Variants in RD3 observed in about 807,000 individuals in gnomAD.
RD3 encodes protein RD3.
RD3 carries 11 observed loss-of-function variants against 16.9 expected under a neutral mutation model. The ratio of observed to expected loss-of-function variants is 0.65; its 90% confidence interval spans 0.41 to 1.08. The LOEUF is 1.08. RD3 is among the 50% of genes least tolerant of loss of function. The pLI is 0.00. For missense variants in RD3, 274 were observed against 267.4 expected (o/e 1.02, Z -0.17); for synonymous variants, 116 against 114.8 (o/e 1.01, Z -0.07).
In RD3 at chr1:211,478,953, G is replaced by A; in HGVS notation, c.*83C>T. 1 of 1,360,242 alleles carries A rather than the reference G, an allele frequency of 7.4e-7. No homozygotes were observed. Among genetic ancestry groups the A allele is most frequent in the Non-Finnish European group, 9.8e-7 (1 of 1,020,822 alleles). 84.3% of individuals were successfully genotyped at this position (1,360,242 alleles called of 1,614,324 possible). A position where few individuals can be genotyped will look rare whatever the true frequency, so the allele number is the denominator to read the frequency against. ...TCTCCTCGTCAGGCCTAGGTGGGGA[G>A]GTTCCAGGGCCCGGCGCTCCGGTCA... On this transcript the variant is annotated 3_prime_UTR_variant, in exon 3 of 3. Transcript: ENST00000680073.
At chr1:211,486,287 CT>C (rs1282009686) in intron 1 of RD3, among the ~76,000 whole-genome samples, 1 of 149,092 alleles carries the variant, frequency 6.7e-6, no homozygotes, top group Non-Finnish European at 1.5e-5. Flanking sequence ...GGTGGATCAC[CT>C]GAGGTCACGA....
Position 211,481,372 on chromosome 1 carries a change from CG to C in RD3, c.43del (p.Arg15GlyfsTer16). 1 of 1,613,742 alleles carries C rather than the reference CG, an allele frequency of 6.2e-7. No individual in the cohort carries two copies. ...SWLRWNEAPS[R>X]LSTRSPAEMV... ...CTCAGCAGGGCTCCTGGTGGACAGC[CG>C]GGATGGGGCCTCGTTCCACCGAAGC... On this transcript the variant is annotated frameshift_variant, in exon 2 of 3. Transcript: ENST00000680073. LOFTEE classifies it high-confidence loss of function.
intron 1 of RD3, among the ~76,000 whole-genome samples, chr1:211,483,469 A>AG (rs1199929661): frequency 2.0e-4 from 31 of 152,002 alleles, no homozygotes; most frequent in Non-Finnish European, 3.5e-4. Context: ...AAAAAAAAAA[A>AG]GAAATCTGAG....
At chr1:211,489,811 C>CT (rs1163867794) in intron 1 of RD3, among the ~76,000 whole-genome samples, 1 of 152,112 alleles carries the variant, frequency 6.6e-6, no homozygotes, top group African/African-American at 2.4e-5. Context: ...CTGAGCCTCC[C>CT]TGTTTCAAGA....
intron 1 of RD3, among the ~76,000 whole-genome samples, chr1:211,489,452 T>A (rs1001506295): frequency 1.3e-5 from 2 of 152,086 alleles, no homozygotes; most frequent in African/African-American, 4.8e-5. Flanking sequence ...TCTTGAATTA[T>A]CTGGTATGCT....
Position 211,479,205 on chromosome 1 carries a change from C to A in RD3, c.419G>T (p.Arg140Leu), listed in dbSNP as rs1705212596. 1 of 1,611,458 alleles carries A rather than the reference C, an allele frequency of 6.2e-7. No individual in the cohort carries two copies. The highest frequency in any genetic ancestry group is 1.1e-5 in the South Asian group (1 of 90,536). The change falls in exon 3 of 3, where the codon CGC (arginine) becomes CTC (leucine). Residue 140 changes from arginine (R) to leucine (L), a missense_variant. Arg to Leu is a moderately radical substitution (Grantham distance 102). Transcript: ENST00000680073. ...GCCGCGGGGCCGCAGGCTCCACTGG[C>A]GCGTCAGCTTGTGGGCCTCCTCTTC... Reference protein sequence around the residue: ...KQEEEAHKLTRQWSLRPRGSL... With the variant: ...KQEEEAHKLTLQWSLRPRGSL...
chr1:211,478,883 CG>C lies in RD3; in HGVS notation c.*152del. 1.5e-6 allele frequency: 1 copy of C among 681,448 alleles called. No individual in the cohort carries two copies. Among genetic ancestry groups the C allele is most frequent in the Non-Finnish European group, 2.4e-6 (1 of 414,694 alleles). The allele number at this position is 681,448 out of a possible 1,614,324, so 42.2% of individuals were successfully genotyped here. The stretch of plus-strand genomic sequence containing the variant: ...AGAGGAAGAGGATGGGGCAGGGAGT[CG>C]CTTCATTTTATAGCAGCGTCTTGGG... On this transcript the variant is annotated 3_prime_UTR_variant, in exon 3 of 3. Coordinates refer to ENST00000680073, the MANE Select transcript of RD3 (RefSeq NM_001164688.2).
chr1:211,489,069 C>T (rs993696558), intron 1 of RD3, among the ~76,000 whole-genome samples: 3 of 152,200 alleles, frequency 2.0e-5, no homozygotes, highest in African/African-American at 7.2e-5. Flanking sequence ...ACCTTCATGG[C>T]CCCAAGCCTC....
Position 211,478,954 on chromosome 1 carries a change from G to A in RD3, c.*82C>T. 7.3e-7 allele frequency: 1 copy of A among 1,377,496 alleles called. No homozygotes were observed. Among genetic ancestry groups the A allele is most frequent in the Non-Finnish European group, 9.7e-7 (1 of 1,035,290 alleles). 85.3% of individuals were successfully genotyped at this position (1,377,496 alleles called of 1,614,324 possible). On this transcript the variant is annotated 3_prime_UTR_variant, in exon 3 of 3. Transcript: ENST00000680073. The stretch of plus-strand genomic sequence containing the variant: ...CTCCTCGTCAGGCCTAGGTGGGGAG[G>A]TTCCAGGGCCCGGCGCTCCGGTCAC...
intron 2 of RD3, 79 bp downstream of exon 2, chr1:211,481,041 G>C: frequency 4.8e-6 from 7 of 1,460,140 alleles, no homozygotes; most frequent in Non-Finnish European, 5.7e-6. Flanking sequence ...CTCTAGTCCT[G>C]GTGGCCTCAG....
At position 211,480,285 on chromosome 1, in the gene RD3, C is replaced by T. The variant is rs144934521; in HGVS notation, c.296+835G>A. Among the ~76,000 whole-genome samples the T allele has an allele frequency of 2.6e-5, 4 of 151,766 alleles. No homozygotes were observed. The East Asian group carries it at 5.8e-4, about 22-fold the overall frequency. ...CTCTGCAAAAACCAAGGAGTGTGGACGGGGCTGAAGAAGGTGAAAGGGGCT... is the reference window on the plus strand; with the variant it reads ...CTCTGCAAAAACCAAGGAGTGTGGATGGGGCTGAAGAAGGTGAAAGGGGCT... On this transcript the variant is annotated intron_variant, in intron 2 of 2. Coordinates refer to ENST00000680073, the MANE Select transcript of RD3 (RefSeq NM_001164688.2).
chr1:211,478,908 G>A lies in RD3; in HGVS notation c.*128C>T, dbSNP rs992584531. On this transcript the variant is annotated 3_prime_UTR_variant, in exon 3 of 3. Transcript: ENST00000680073. ...CGCTTCATTTTATAGCAGCGTCTTGGGATGGGGCCGCCTCTTGGGTCTCCT... is the reference window on the plus strand; with the variant it reads ...CGCTTCATTTTATAGCAGCGTCTTGAGATGGGGCCGCCTCTTGGGTCTCCT... 9 of 829,346 alleles carry A rather than the reference G, an allele frequency of 1.1e-5. No individual in the cohort carries two copies. In the Admixed American group the frequency reaches 1.5e-4, roughly 13 times the overall value. The allele number at this position is 829,346 out of a possible 1,614,324, so 51.4% of individuals were successfully genotyped here.
intron 1 of RD3, among the ~76,000 whole-genome samples, chr1:211,487,191 C>G (rs1054664360): frequency 1.2e-4 from 18 of 152,178 alleles, no homozygotes; most frequent in African/African-American, 3.9e-4. Context: ...GAATGAGCCC[C>G]CACCTGAACA....
At chr1:211,488,563 A>C in intron 1 of RD3, among the ~76,000 whole-genome samples, 1 of 151,524 alleles carries the variant, frequency 6.6e-6, no homozygotes, top group African/African-American at 2.4e-5. Context: ...ACCTGGAAAG[A>C]GGTCTTGAAG....
At position 211,481,213 on chromosome 1, in the gene RD3, C is replaced by G. The variant is rs777789102; in HGVS notation, c.203G>C (p.Arg68Pro). The change falls in exon 2 of 3, where the codon CGG (arginine) becomes CCG (proline). Residue 68 changes from arginine (R) to proline (P), a missense_variant. Transcript: ENST00000680073. ...AATGGGGCTGAGGTCATAGGTGGAC[C>G]GGGGTGTGCTGGCCAGCCAGCTGTA... The part of the protein sequence containing the change: ...VDYSWLASTP[R>P]STYDLSPIER... 6.2e-7 allele frequency: 1 copy of G among 1,614,232 alleles called. No homozygotes were observed. Among genetic ancestry groups the G allele is most frequent in the African/African-American group, 1.3e-5 (1 of 75,066 alleles).
At position 211,481,404 on chromosome 1, in the gene RD3, G is replaced by A. The variant is rs755396274; in HGVS notation, c.12C>T (p.Ile4=). The change falls in exon 2 of 3, where the codon ATC becomes ATT. Residue 4 remains isoleucine, a synonymous_variant. Transcript: ENST00000680073. MSL[I]SWLRWNEAPS... is the part of the protein sequence containing the mutation. ...GGGCCTCGTTCCACCGAAGCCATGA[G>A]ATGAGAGACATAGCCCCTGGCCCTG... The A allele has an allele frequency of 6.2e-7, 1 of 1,612,812 alleles. No homozygotes were observed. Among genetic ancestry groups the A allele is most frequent in the Non-Finnish European group, 8.5e-7 (1 of 1,180,024 alleles).
At chr1:211,481,937 G>T (rs1031368043) in intron 1 of RD3, among the ~76,000 whole-genome samples, 1 of 152,130 alleles carries the variant, frequency 6.6e-6, no homozygotes, top group Non-Finnish European at 1.5e-5. Context: ...AACTCTATGG[G>T]GTTGGCCAGC....
At chr1:211,486,757 G>A (rs1705382536) in intron 1 of RD3, among the ~76,000 whole-genome samples, 1 of 146,138 alleles carries the variant, frequency 6.8e-6, no homozygotes, top group Non-Finnish European at 1.5e-5. Flanking sequence ...GCAGGAGAAT[G>A]GCTTGAACCC....
At chr1:211,481,517 TG>T (rs1426247964) in intron 1 of RD3, 91 bp from the exon 2 acceptor site, 1 of 1,273,056 alleles carries the variant, frequency 7.9e-7, no homozygotes, top group African/African-American at 1.5e-5. Context: ...AGAGGAGAGC[TG>T]GGACCCAGGA....
Sources: allele counts gnomAD v4.1 joint callset (sites outside exome capture counted in the v4.1 genomes callset), GRCh38; gene constraint gnomAD v4.1.1; transcripts MANE v1.5; gene names NCBI Gene and HGNC (gene_info 2026-07-23, HGNC 2026-07-21).